The following IL21R variants were observed in gnomAD, a reference collection of about 807,000 sequenced individuals.
IL21R encodes the protein interleukin-21 receptor.
A neutral mutation model predicts 41.3 loss-of-function variants in IL21R; 14 were observed. The ratio of observed to expected loss-of-function variants is 0.34; its 90% CI spans 0.22 to 0.53. The LOEUF is 0.53. Ranked by LOEUF, IL21R falls within the 20% of genes least tolerant of loss-of-function variation. The pLI, the probability that IL21R is intolerant of heterozygous loss-of-function variation, is 0.94. For synonymous variants in IL21R, 286 were observed against 287.6 expected, an observed-to-expected ratio of 0.99 and a Z score of 0.05; for missense variants, 588 against 681.6, an observed-to-expected ratio of 0.86 and a Z score of 1.53.
intron 5 of IL21R, among the ~76,000 whole-genome samples, chr16:27,443,766 G>C (rs2087431071): frequency 6.7e-6 from 1 of 149,446 alleles, no homozygotes; most frequent in African/African-American, 2.5e-5. Flanking sequence ...CTGGGCAACA[G>C]AGTGAGACTC....
chr16:27,417,463 G>C (rs1452122561), intron 1 of IL21R, among the ~76,000 whole-genome samples: 2 of 152,078 alleles, frequency 1.3e-5, no homozygotes, highest in African/African-American at 2.4e-5. Context: ...TACTGCATCT[G>C]GTCAATTCTT....
chr16:27,421,935 G>A (rs1019388082), intron 1 of IL21R, among the ~76,000 whole-genome samples: 4 of 152,036 alleles, frequency 2.6e-5, no homozygotes, highest in African/African-American at 9.7e-5. Flanking sequence ...TACTTGTCTT[G>A]TTCATGATCT....
chr16:27,434,221 C>T (rs958623342), intron 2 of IL21R, 126 bp from the exon 3 acceptor site: 11 of 631,412 alleles, frequency 1.7e-5, no homozygotes, highest in African/African-American at 3.6e-5. Flanking sequence ...CTCCTGAGTC[C>T]TCATATTTGT....
At chr16:27,426,256 A>G (rs1242105067) in intron 1 of IL21R, among the ~76,000 whole-genome samples, 7 of 152,250 alleles carry the variant, frequency 4.6e-5, no homozygotes, top group Non-Finnish European at 1.0e-4. Flanking sequence ...TGTCTTGACC[A>G]GCATGGCGCA....
intron 1 of IL21R, among the ~76,000 whole-genome samples, chr16:27,404,357 G>A (rs1016419504): frequency 3.3e-5 from 5 of 152,294 alleles, no homozygotes; most frequent in East Asian, 3.9e-4. Flanking sequence ...ACTGCCCAGC[G>A]TTCCTGGTTT....
intron 2 of IL21R, among the ~76,000 whole-genome samples, chr16:27,434,095 A>G (rs1184712560): frequency 6.6e-6 from 1 of 152,076 alleles, no homozygotes; most frequent in Non-Finnish European, 1.5e-5. Context: ...AGCTAGTTTT[A>G]TATTATTTGC....
chr16:27,411,014 T>C (rs1248117590), intron 1 of IL21R, among the ~76,000 whole-genome samples: 1 of 152,254 alleles, frequency 6.6e-6, no homozygotes, highest in Admixed American at 6.5e-5. Context: ...CTTTTTAAAG[T>C]CTGAATAATA....
At chr16:27,407,583 T>C (rs2086767269) in intron 1 of IL21R, among the ~76,000 whole-genome samples, 1 of 152,242 alleles carries the variant, frequency 6.6e-6, no homozygotes, top group African/African-American at 2.4e-5. Flanking sequence ...CCCAGTATTT[T>C]GGGAGGCCAA....
chr16:27,434,536 G>A (rs2087233138), intron 3 of IL21R, 87 bp downstream of exon 3: 1 of 831,346 alleles, frequency 1.2e-6, no homozygotes, highest in Non-Finnish European at 2.0e-6. Context: ...GTGCACTGAG[G>A]ACCACTGTGT....
chr16:27,418,518 G>A (rs1302575383), intron 1 of IL21R, among the ~76,000 whole-genome samples: 5 of 151,914 alleles, frequency 3.3e-5, no homozygotes, highest in Non-Finnish European at 7.4e-5. Flanking sequence ...ACAGGTGCGC[G>A]CCACCACGCT....
Position 27,451,096 on chromosome 16 carries a change from C to A in IL21R, c.*1813C>A. ...TTGGATGGGAGCACAAGAGTGGAAA[C>A]ACAGCTTCTGCACGGAGCAGGCGCA... On this transcript the variant is annotated 3_prime_UTR_variant, in exon 9 of 9. Coordinates refer to ENST00000337929, the MANE Select transcript of IL21R (RefSeq NM_181078.3). 1 of 233,286 alleles carries A rather than the reference C, an allele frequency of 4.3e-6. No homozygotes were observed. Among genetic ancestry groups the A allele is most frequent in the Non-Finnish European group, 8.5e-6 (1 of 118,106 alleles). 14.5% of individuals were successfully genotyped at this position (233,286 alleles called of 1,614,324 possible).
At chr16:27,432,881 T>G (rs1038940403) in intron 2 of IL21R, among the ~76,000 whole-genome samples, 27 of 152,278 alleles carry the variant, frequency 1.8e-4, no homozygotes, top group African/African-American at 6.3e-4. Context: ...ATTAGCAATA[T>G]CTGTCATGTG....
chr16:27,435,052 C>T (rs1256438711), intron 3 of IL21R, among the ~76,000 whole-genome samples: 1 of 152,104 alleles, frequency 6.6e-6, no homozygotes, highest in East Asian at 1.9e-4. Flanking sequence ...CACTTGAGCC[C>T]AGGAGTTTGA....
At chr16:27,419,026 C>T (rs2086954120) in intron 1 of IL21R, among the ~76,000 whole-genome samples, 1 of 151,926 alleles carries the variant, frequency 6.6e-6, no homozygotes, top group Non-Finnish European at 1.5e-5. Context: ...ACCAGCCTGG[C>T]CAACATGGTG....
chr16:27,438,957 T>G (rs565414269), intron 4 of IL21R, among the ~76,000 whole-genome samples: 2 of 151,914 alleles, frequency 1.3e-5, no homozygotes, highest in East Asian at 3.9e-4. Flanking sequence ...TGTGTGTGTA[T>G]GTGTGTACCC....
Position 27,444,647 on chromosome 16 carries a change from A to G in IL21R, c.613A>G (p.Met205Val), listed in dbSNP as rs1469719645. Reference sequence around the variant, plus strand: ...TGAGCTGCAGGTGCGGGCAGGGCCCATGCCTGGCTCCTCCTACCAGGGGAC... The same window carrying G: ...TGAGCTGCAGGTGCGGGCAGGGCCCGTGCCTGGCTCCTCCTACCAGGGGAC... ...SYELQVRAGP[M>V]PGSSYQGTWS... is the part of the protein sequence containing the mutation. Residue 205 changes from methionine (M) to valine (V), a missense_variant, in exon 6 of 9, where the codon ATG (methionine) becomes GTG (valine). By Grantham distance (21) the Met-to-Val change is conservative. Transcript: ENST00000337929. 1.3e-6 allele frequency: 2 copies of G among 1,584,172 alleles called. No individual in the cohort carries two copies. The highest frequency in any genetic ancestry group is 1.7e-6 in the Non-Finnish European group (2 of 1,165,434).
At chr16:27,419,666 G>T (rs1298996602) in intron 1 of IL21R, among the ~76,000 whole-genome samples, 2 of 152,118 alleles carry the variant, frequency 1.3e-5, no homozygotes, top group Non-Finnish European at 2.9e-5. Flanking sequence ...GACCTCAAGT[G>T]ATCTGCCTGC....
In IL21R at chr16:27,449,085, C is replaced by T. The variant is rs772729390; in HGVS notation, c.1419C>T (p.Val473=). The T allele has an allele frequency of 8.6e-5, 138 of 1,613,292 alleles. No homozygotes were observed. The highest frequency in any genetic ancestry group is 1.2e-4 in the Non-Finnish European group (137 of 1,179,948). Residue 473 remains valine (V), a synonymous_variant, in exon 9 of 9, where the codon GTC becomes GTT. Coordinates refer to ENST00000337929, the MANE Select transcript of IL21R (RefSeq NM_181078.3). ...LPWGGRSPGG[V]SESEAGSPLA... is the part of the protein sequence containing the mutation. Reference sequence around the variant, plus strand: ...GGGGTGGCCGGTCACCTGGAGGGGTCTCAGAGAGTGAGGCGGGCTCACCCC... The same window carrying T: ...GGGGTGGCCGGTCACCTGGAGGGGTTTCAGAGAGTGAGGCGGGCTCACCCC...
intron 3 of IL21R, among the ~76,000 whole-genome samples, chr16:27,434,986 G>A (rs115670617): frequency 1.4e-3 from 215 of 152,286 alleles, no homozygotes; most frequent in African/African-American, 4.3e-3. Flanking sequence ...TTATAGGCCA[G>A]GTGCAGTGGC....
Sources: allele counts gnomAD v4.1 joint callset (sites outside exome capture counted in the v4.1 genomes callset), GRCh38; gene constraint gnomAD v4.1.1; transcripts MANE v1.5; gene names NCBI Gene and HGNC (gene_info 2026-07-23, HGNC 2026-07-21).